Variants in TRPM3 observed in about 807,000 individuals in gnomAD.
TRPM3 encodes long transient receptor potential channel 3.
TRPM3 carries 77 observed loss-of-function variants against 181.2 expected under a neutral mutation model. That is an observed-to-expected ratio of 0.42 (90% CI 0.35 to 0.51). The LOEUF (loss-of-function observed/expected upper bound fraction) is 0.51. Among genes scored for constraint, TRPM3 ranks in the 20% least tolerant of loss-of-function variants. TRPM3 has a pLI of 0.01. For synonymous variants in TRPM3, 745 were observed against 796.4 expected (o/e 0.94, Z 1.09); for missense variants, 1,759 against 2,196.7 (o/e 0.80, Z 3.98).
chr9:71,403,369 G>A (rs745635766), intron 1 of TRPM3, among the ~76,000 whole-genome samples: 39 of 152,096 alleles, frequency 2.6e-4, no homozygotes, highest in African/African-American at 8.9e-4. Context: ...AAGAAGCAAC[G>A]GAAGATTTAG....
intron 1 of TRPM3, among the ~76,000 whole-genome samples, chr9:70,963,583 T>C (rs2097158230): frequency 6.6e-6 from 1 of 152,082 alleles, no homozygotes; most frequent in South Asian, 2.1e-4. Context: ...CACTTCGAGG[T>C]ATGCATTGAT....
At chr9:70,684,196 C>T (rs1342175899) in intron 8 of TRPM3, among the ~76,000 whole-genome samples, 2 of 152,268 alleles carry the variant, frequency 1.3e-5, no homozygotes, top group East Asian at 1.9e-4. Flanking sequence ...CCTAGCAACA[C>T]ATTTAGGTTT....
chr9:70,581,833 C>T (rs899008119), intron 22 of TRPM3, among the ~76,000 whole-genome samples: 3 of 152,112 alleles, frequency 2.0e-5, no homozygotes, highest in Non-Finnish European at 2.9e-5. Flanking sequence ...GCTCTCTCTT[C>T]CTTCCTCTGC....
intron 22 of TRPM3, among the ~76,000 whole-genome samples, chr9:70,563,506 C>T (rs905558241): frequency 2.0e-5 from 3 of 152,188 alleles, no homozygotes; most frequent in Non-Finnish European, 2.9e-5. Context: ...CCAATTCAGG[C>T]TACAGATGAT....
chr9:70,853,278 A>C (rs2095292579), intron 3 of TRPM3, among the ~76,000 whole-genome samples: 1 of 152,230 alleles, frequency 6.6e-6, no homozygotes, highest in Non-Finnish European at 1.5e-5. Flanking sequence ...AGCTACTGTT[A>C]ACACTGGTGG....
chr9:70,929,453 C>G (rs919085794), intron 1 of TRPM3, among the ~76,000 whole-genome samples: 1 of 152,120 alleles, frequency 6.6e-6, no homozygotes. Flanking sequence ...CTGCCCACCT[C>G]GGCCTCCCAA....
chr9:71,426,949 CT>C (rs1418689560), intron 1 of TRPM3, among the ~76,000 whole-genome samples: 1 of 152,138 alleles, frequency 6.6e-6, no homozygotes, highest in Non-Finnish European at 1.5e-5. Context: ...TAAAAGATTA[CT>C]TCCCCAATTT....
intron 22 of TRPM3, among the ~76,000 whole-genome samples, chr9:70,565,484 G>T (rs1181122364): frequency 6.6e-6 from 1 of 152,030 alleles, no homozygotes; most frequent in Non-Finnish European, 1.5e-5. Flanking sequence ...GTAGAGACAA[G>T]GTTTTGCCAT....
At chr9:71,221,333 A>G (rs1445350606) in intron 1 of TRPM3, among the ~76,000 whole-genome samples, 1 of 152,248 alleles carries the variant, frequency 6.6e-6, no homozygotes, top group Non-Finnish European at 1.5e-5. Context: ...GCAGTAAAAT[A>G]TAGTGTAATT....
At chr9:70,561,224 C>G (rs1312973839) in intron 22 of TRPM3, among the ~76,000 whole-genome samples, 1 of 152,166 alleles carries the variant, frequency 6.6e-6, no homozygotes, top group Non-Finnish European at 1.5e-5. Flanking sequence ...GAGGATTTCT[C>G]CACCTCCTTT....
intron 1 of TRPM3, among the ~76,000 whole-genome samples, chr9:71,093,310 G>C (rs2066534246): frequency 1.3e-5 from 2 of 151,802 alleles, no homozygotes; most frequent in Admixed American, 1.3e-4. Flanking sequence ...CTACAGAATG[G>C]GAGAAAATTT....
At chr9:70,835,628 C>A (rs774983790) in intron 5 of TRPM3, among the ~76,000 whole-genome samples, 18 of 152,250 alleles carry the variant, frequency 1.2e-4, no homozygotes, top group Non-Finnish European at 2.6e-4. Flanking sequence ...CCTGCTCCTA[C>A]ACGCTTGCCA....
chr9:71,341,694 TAAA>T (rs56213553), intron 1 of TRPM3, among the ~76,000 whole-genome samples: 27 of 150,928 alleles, frequency 1.8e-4, no homozygotes, highest in South Asian at 4.2e-4. Context: ...AAAAAACTGG[TAAA>T]AAAAAAAATC....
In TRPM3 at chr9:70,610,695, C is replaced by T. The variant is rs1339715386; in HGVS notation, c.2581G>A (p.Val861Ile). The change falls in exon 19 of 26, where the codon GTT (valine) becomes ATT (isoleucine). Residue 861 changes from valine to isoleucine, a missense_variant. Val to Ile is a conservative substitution (Grantham distance 29). Around this residue, in one of 8 missense-constraint regions of TRPM3, gnomAD observed 114 missense variants for 134.8 expected, o/e 0.85. Coordinates refer to ENST00000677713, the MANE Select transcript of TRPM3 (RefSeq NM_001366145.2). Reference protein sequence around the residue: ...ESSRKKDEEEVQSKHRLIPLG... With the variant: ...ESSRKKDEEEIQSKHRLIPLG... The stretch of plus-strand genomic sequence containing the variant: ...GGGATTAACCGGTGCTTGCTCTGAA[C>T]TTCCTCTTCATCCTTCTTCCTGGAG... 6.2e-7 allele frequency: 1 copy of T among 1,614,180 alleles called. No individual in the cohort carries two copies. Among genetic ancestry groups the T allele is most frequent in the South Asian group, 1.1e-5 (1 of 91,084 alleles).
intron 22 of TRPM3, among the ~76,000 whole-genome samples, chr9:70,572,751 G>A (rs548153436): frequency 6.6e-6 from 1 of 152,222 alleles, no homozygotes; most frequent in Admixed American, 6.5e-5. Flanking sequence ...GTTCTCACTG[G>A]TAATGTTAAC....
At chr9:71,095,815 G>C (rs1356206446) in intron 1 of TRPM3, among the ~76,000 whole-genome samples, 1 of 148,612 alleles carries the variant, frequency 6.7e-6, no homozygotes, top group Non-Finnish European at 1.5e-5. Flanking sequence ...AAGAGAGAGA[G>C]ACTGACAAAA....
At chr9:70,634,144 C>G (rs1332201048) in intron 12 of TRPM3, among the ~76,000 whole-genome samples, 2 of 152,162 alleles carry the variant, frequency 1.3e-5, no homozygotes, top group African/African-American at 4.8e-5. Flanking sequence ...GAATCTCACT[C>G]TGTTGTTCAG....
intron 1 of TRPM3, among the ~76,000 whole-genome samples, chr9:71,171,890 G>A (rs2076879833): frequency 7.6e-6 from 1 of 131,336 alleles, no homozygotes; most frequent in African/African-American, 2.7e-5. Context: ...GGGGGAGGGT[G>A]TTAGGGTTTT....
chr9:71,396,346 C>A (rs535306477), intron 1 of TRPM3, among the ~76,000 whole-genome samples: 2 of 150,404 alleles, frequency 1.3e-5, no homozygotes, highest in East Asian at 3.9e-4. Flanking sequence ...AAGAGTTATG[C>A]GGCAGCAATG....
Sources: allele counts gnomAD v4.1 joint callset (sites outside exome capture counted in the v4.1 genomes callset), GRCh38; gene constraint gnomAD v4.1.1; regional missense constraint gnomAD v4.1.1; transcripts MANE v1.5; gene names NCBI Gene and HGNC (gene_info 2026-07-23, HGNC 2026-07-21).